The following IPO11 variants were observed in gnomAD, a reference collection of about 807,000 sequenced individuals.
IPO11 encodes importin-11.
A neutral mutation model predicts 143.2 loss-of-function variants in IPO11; 66 were observed. The observed-to-expected ratio is 0.46, with a 90% CI of 0.38 to 0.57. The LOEUF (loss-of-function observed/expected upper bound fraction) is 0.57, where lower values mean the gene tolerates loss of function less well. IPO11 is among the 20% of genes least tolerant of loss of function. The probability of loss-of-function intolerance (pLI) is 0.00; values close to 1 mark genes in which losing one functional copy is unlikely to be tolerated. For missense variants in IPO11, 1,026 were observed against 1,141.0 expected (o/e 0.90, Z 1.45); for synonymous variants, 385 against 377.8 (o/e 1.02, Z -0.22).
chr5:62,447,546 T>C (rs188799291), intron 3 of IPO11, among the ~76,000 whole-genome samples: 1 of 152,282 alleles, frequency 6.6e-6, no homozygotes, highest in Non-Finnish European at 1.5e-5. Context: ...AGTAGGGACG[T>C]GTTCTTTCTC....
At chr5:62,576,454 T>A (rs1744316526) in intron 27 of IPO11, among the ~76,000 whole-genome samples, 1 of 152,242 alleles carries the variant, frequency 6.6e-6, no homozygotes, top group South Asian at 2.1e-4. Context: ...ATTCTTTATA[T>A]GTAAACCAAT....
chr5:62,620,452 G>A (rs1248246485), intron 29 of IPO11, among the ~76,000 whole-genome samples: 3 of 151,378 alleles, frequency 2.0e-5, no homozygotes, highest in Non-Finnish European at 4.4e-5. Flanking sequence ...CCGGGAGGCG[G>A]AGCTTGCGGT....
intron 27 of IPO11, among the ~76,000 whole-genome samples, chr5:62,577,285 G>C (rs1368313032): frequency 6.6e-6 from 1 of 152,070 alleles, no homozygotes; most frequent in African/African-American, 2.4e-5. Flanking sequence ...TGTGAGAAGT[G>C]AGATTTTATT....
intron 9 of IPO11, among the ~76,000 whole-genome samples, chr5:62,477,191 G>A (rs1008201046): frequency 6.6e-6 from 1 of 152,174 alleles, no homozygotes; most frequent in African/African-American, 2.4e-5. Flanking sequence ...GGGGTGCGCT[G>A]TGGTAGGCAG....
intron 1 of IPO11, among the ~76,000 whole-genome samples, chr5:62,433,397 TGTAGGCACGTTC>T (rs1744062411): frequency 6.6e-6 from 1 of 152,230 alleles, no homozygotes; most frequent in African/African-American, 2.4e-5. Flanking sequence ...TGTTTCCAAC[TGTAGGCACGTTC>T]GTATATTGGT....
intron 29 of IPO11, among the ~76,000 whole-genome samples, chr5:62,615,291 T>C (rs1375077197): frequency 6.6e-6 from 1 of 152,222 alleles, no homozygotes; most frequent in Admixed American, 6.5e-5. Flanking sequence ...CAAAGAATTA[T>C]CTACCCAATG....
intron 1 of IPO11, among the ~76,000 whole-genome samples, chr5:62,431,752 G>A (rs1292896258): frequency 6.6e-6 from 1 of 152,028 alleles, no homozygotes; most frequent in Non-Finnish European, 1.5e-5. Flanking sequence ...GACCAGCCTG[G>A]TCATCATGGT....
At chr5:62,613,860 T>C (rs1420438154) in intron 29 of IPO11, among the ~76,000 whole-genome samples, 1 of 152,094 alleles carries the variant, frequency 6.6e-6, no homozygotes, top group African/African-American at 2.4e-5. Flanking sequence ...CAGCCAGCAT[T>C]AACTACTAAA....
rs1561309048 is a variant in IPO11, at chr5:62,435,164, A to ATATATG, written c.-6-2105_-6-2104insGTATAT. ...TATATGTATATATGTATATATATGTATATATATGTATATATGTATATATAT... is the reference window on the plus strand; with the variant it reads ...TATATGTATATATGTATATATATGTATATATGTATATATGTATATATGTATATATAT... On this transcript the variant is annotated intron_variant, in intron 1 of 29. Transcript: ENST00000325324. Among the ~76,000 whole-genome samples, 122 of 98,364 alleles carry ATATATG rather than the reference A, an allele frequency of 1.2e-3. 4 individuals carry two copies. The highest frequency in any genetic ancestry group is 5.2e-3 in the Middle Eastern group (1 of 194). 64.5% of individuals were successfully genotyped at this position (98,364 alleles called of 152,430 possible). A position where few individuals can be genotyped will look rare whatever the true frequency, so the allele number is the denominator to read the frequency against.
intron 15 of IPO11, among the ~76,000 whole-genome samples, chr5:62,491,954 C>A (rs918241076): frequency 6.6e-6 from 1 of 151,998 alleles, no homozygotes; most frequent in Non-Finnish European, 1.5e-5. Flanking sequence ...TGTTTCTTTT[C>A]TCTTATAATG....
At chr5:62,495,708 C>T (rs1057377504) in intron 16 of IPO11, among the ~76,000 whole-genome samples, 7 of 151,992 alleles carry the variant, frequency 4.6e-5, no homozygotes, top group East Asian at 1.9e-4. Context: ...TGGACTCAAA[C>T]GATTCACCCA....
At chr5:62,539,523 G>C (rs1742854271) in intron 24 of IPO11, among the ~76,000 whole-genome samples, 1 of 152,142 alleles carries the variant, frequency 6.6e-6, no homozygotes, top group Non-Finnish European at 1.5e-5. Context: ...AGAGCAAGGG[G>C]TTTACTAAAG....
chr5:62,468,454 G>C (rs1309739668), intron 6 of IPO11, among the ~76,000 whole-genome samples: 1 of 152,106 alleles, frequency 6.6e-6, no homozygotes, highest in African/African-American at 2.4e-5. Flanking sequence ...TGATTTTAAA[G>C]GACTGTTGAA....
rs970897576 is a variant in IPO11 at position 62,452,382 on chromosome 5, A to G, written c.516+449A>G. 5.9e-5 allele frequency among the ~76,000 whole-genome samples: 9 copies of G among 151,372 alleles called. 1 individual carries two copies. Among genetic ancestry groups the G allele is most frequent in the African/African-American group, 2.2e-4 (9 of 40,610 alleles). Reference sequence around the variant, plus strand: ...GCTGGGCAGTGATATGAATAAAAAGATCACTTAGTTGCCAGTGAGGAGGAT... The same window carrying G: ...GCTGGGCAGTGATATGAATAAAAAGGTCACTTAGTTGCCAGTGAGGAGGAT... On this transcript the variant is annotated intron_variant, in intron 5 of 29. Transcript: ENST00000325324.
chr5:62,576,444 A>G (rs561969318), intron 27 of IPO11, among the ~76,000 whole-genome samples: 2 of 152,362 alleles, frequency 1.3e-5, no homozygotes, highest in East Asian at 3.8e-4. Context: ...ATTATAAGCC[A>G]TTCTTTATAT....
At chr5:62,440,505 C>T (rs1156513409) in intron 2 of IPO11, among the ~76,000 whole-genome samples, 2 of 151,804 alleles carry the variant, frequency 1.3e-5, no homozygotes, top group African/African-American at 2.4e-5. Context: ...CAGGCGCCCC[C>T]CCACCATGCC....
rs576714951 is a variant in IPO11, at chr5:62,514,225, G to C, written c.1783-1163G>C. ...CAGGGGCTGCAATCTCTGCACTTTG[G>C]GGGGCCAAGGCAGGCGGCTGGGAGG... On this transcript the variant is annotated intron_variant, in intron 19 of 29. Coordinates refer to ENST00000325324, the MANE Select transcript of IPO11 (RefSeq NM_016338.5). Among the ~76,000 whole-genome samples, 15 of 152,190 alleles carry C rather than the reference G, an allele frequency of 9.9e-5. No individual in the cohort carries two copies. In the South Asian group the frequency reaches 2.1e-3, roughly 21 times the overall value.
At chr5:62,545,193 A>G (rs1743121617) in intron 24 of IPO11, among the ~76,000 whole-genome samples, 2 of 152,234 alleles carry the variant, frequency 1.3e-5, no homozygotes, top group Admixed American at 1.3e-4. Context: ...ACCTGACTTC[A>G]AACTATACTA....
At chr5:62,454,724 G>A (rs994992882) in intron 5 of IPO11, among the ~76,000 whole-genome samples, 2 of 152,032 alleles carry the variant, frequency 1.3e-5, no homozygotes, top group Non-Finnish European at 2.9e-5. Context: ...TGTAATTGTC[G>A]ACTTATTTTT....
Sources: gnomAD v4.1 joint callset for allele counts (sites outside exome capture counted in the v4.1 genomes callset) on GRCh38, gnomAD v4.1.1 for gene constraint, MANE v1.5 for transcripts, NCBI Gene and HGNC (gene_info 2026-07-23, HGNC 2026-07-21) for gene names.